The following SOX6 variants were observed in gnomAD, a reference collection of about 807,000 sequenced individuals.
SOX6 encodes SRY-box transcription factor 6.
In SOX6, 11 loss-of-function variants were observed where a neutral mutation model predicts 97.8. That is an observed-to-expected ratio of 0.11 (90% CI 0.07 to 0.19). The LOEUF (loss-of-function observed/expected upper bound fraction) is 0.19. Among genes scored for constraint, SOX6 ranks in the 10% least tolerant of loss-of-function variants. The pLI, the probability that SOX6 is intolerant of heterozygous loss-of-function variation, is 1.00. For missense variants in SOX6, 810 were observed against 1,039.5 expected (o/e 0.78, Z 3.04); for synonymous variants, 360 against 371.4 (o/e 0.97, Z 0.35).
chr11:16,675,487 TAA>T (rs1384461230), intron 3 of SOX6, among the ~76,000 whole-genome samples: 5 of 152,234 alleles, frequency 3.3e-5, no homozygotes, highest in Admixed American at 3.3e-4. Flanking sequence ...TATTATCTTT[TAA>T]AAGTTTAGAA....
intron 3 of SOX6, among the ~76,000 whole-genome samples, chr11:16,310,749 C>A (rs1006645054): frequency 3.3e-5 from 5 of 152,006 alleles, no homozygotes; most frequent in African/African-American, 4.8e-5. Context: ...AAACCCGAAA[C>A]CTTTCCAAAT....
chr11:16,644,444 A>G (rs1294904965), intron 3 of SOX6, among the ~76,000 whole-genome samples: 1 of 152,188 alleles, frequency 6.6e-6, no homozygotes, highest in Non-Finnish European at 1.5e-5. Context: ...TTATAGCCCT[A>G]TTACAATAAA....
intron 13 of SOX6, among the ~76,000 whole-genome samples, chr11:16,014,084 G>C (rs892310503): frequency 2.6e-5 from 4 of 151,984 alleles, no homozygotes; most frequent in African/African-American, 9.7e-5. Flanking sequence ...TCTGCCAAAG[G>C]AACAGCTAAT....
intron 3 of SOX6, among the ~76,000 whole-genome samples, chr11:16,700,829 T>G (rs559407285): frequency 1.3e-5 from 2 of 152,268 alleles, no homozygotes; most frequent in South Asian, 2.1e-4. Flanking sequence ...GCACCAGCAT[T>G]TCTTGGTTTT....
chr11:16,487,875 A>T lies in SOX6; in HGVS notation n.610-11487T>A, dbSNP rs534353704. On this transcript the variant is annotated intron_variant and non_coding_transcript_variant, in intron 4 of 5. Transcript: ENST00000524520. The stretch of plus-strand genomic sequence containing the variant: ...TGTAATTTAAAAGTATCAGGCAAAT[A>T]ACAGCAAGTAACTTAGATGAGTTGA... Among the ~76,000 whole-genome samples the T allele has an allele frequency of 5.3e-5, 8 of 152,348 alleles. No individual in the cohort carries two copies. The South Asian group carries it at 1.7e-3, about 32-fold the overall frequency.
intron 7 of SOX6, among the ~76,000 whole-genome samples, chr11:16,101,191 A>G (rs553697125): frequency 2.0e-4 from 30 of 151,654 alleles, no homozygotes; most frequent in Non-Finnish European, 4.1e-4. Flanking sequence ...TCTTGCCTGG[A>G]TGCACGCATT....
At chr11:16,734,297 T>A (rs1401678253) in intron 2 of SOX6, among the ~76,000 whole-genome samples, 1 of 152,206 alleles carries the variant, frequency 6.6e-6, no homozygotes, top group Non-Finnish European at 1.5e-5. Flanking sequence ...TTTTCAAGAT[T>A]CTGTGTTAGA....
chr11:16,168,339 T>C (rs892927729), intron 6 of SOX6, among the ~76,000 whole-genome samples: 6 of 152,078 alleles, frequency 3.9e-5, no homozygotes, highest in Non-Finnish European at 8.8e-5. Context: ...TATAAAGAAA[T>C]GATATTGTTC....
chr11:16,467,337 C>T (rs540683901), intron 1 of SOX6, among the ~76,000 whole-genome samples: 2 of 152,252 alleles, frequency 1.3e-5, no homozygotes, highest in South Asian at 4.1e-4. Context: ...CACATGCATG[C>T]ATATGTTAAT....
chr11:16,206,109 T>C (rs1165566430), intron 4 of SOX6, among the ~76,000 whole-genome samples: 1 of 152,132 alleles, frequency 6.6e-6, no homozygotes, highest in African/African-American at 2.4e-5. Context: ...TATACACACA[T>C]ATACACATTT....
chr11:16,618,088 T>G (rs1268696514), intron 3 of SOX6, among the ~76,000 whole-genome samples: 1 of 151,898 alleles, frequency 6.6e-6, no homozygotes, highest in East Asian at 1.9e-4. Context: ...TATATCACTG[T>G]GAGAGATATT....
At chr11:16,615,869 G>T (rs1016224141) in intron 3 of SOX6, among the ~76,000 whole-genome samples, 22 of 151,808 alleles carry the variant, frequency 1.4e-4, no homozygotes, top group African/African-American at 4.6e-4. Flanking sequence ...ACAGAATTTT[G>T]GAATTTTTTT....
intron 4 of SOX6, among the ~76,000 whole-genome samples, chr11:16,497,755 G>C (rs1437922213): frequency 6.6e-6 from 1 of 152,086 alleles, no homozygotes; most frequent in Non-Finnish European, 1.5e-5. Context: ...AGCGAGAAGA[G>C]AAGTTTAGAG....
intron 3 of SOX6, among the ~76,000 whole-genome samples, chr11:16,254,422 C>A (rs890864131): frequency 6.6e-6 from 1 of 151,870 alleles, no homozygotes; most frequent in African/African-American, 2.4e-5. Flanking sequence ...ATAAGAATAT[C>A]ATTTTTCATA....
chr11:16,673,485 T>G (rs1422636022), intron 3 of SOX6, among the ~76,000 whole-genome samples: 1 of 151,742 alleles, frequency 6.6e-6, no homozygotes, highest in Non-Finnish European at 1.5e-5. Flanking sequence ...AGTATATGTA[T>G]GCCAATAAAT....
intron 12 of SOX6, among the ~76,000 whole-genome samples, chr11:16,028,088 G>A (rs1855261172): frequency 1.3e-5 from 2 of 152,210 alleles, no homozygotes; most frequent in South Asian, 4.1e-4. Context: ...CATTATTTGA[G>A]TCAATGTGTG....
intron 1 of SOX6, chr11:16,402,578 A>G: frequency 7.2e-7 from 1 of 1,395,540 alleles, no homozygotes; most frequent in Non-Finnish European, 1.0e-6. Context: ...AGAGATGGTG[A>G]CAAAGAAATA....
intron 4 of SOX6, among the ~76,000 whole-genome samples, chr11:16,563,727 A>G (rs1847839577): frequency 6.6e-6 from 1 of 152,210 alleles, no homozygotes; most frequent in African/African-American, 2.4e-5. Flanking sequence ...AAACATCCTA[A>G]TTATAGTCAC....
exon 4 of SOX6, chr11:16,612,196 C>G (rs1252553096): frequency 6.6e-6 from 1 of 152,000 alleles, no homozygotes; most frequent in East Asian, 1.9e-4. Flanking sequence ...ACACCTTCAC[C>G]GCGTCTCATT....
Sources: gnomAD v4.1 joint callset for allele counts (sites outside exome capture counted in the v4.1 genomes callset) on GRCh38, gnomAD v4.1.1 for gene constraint, MANE v1.5 for transcripts, NCBI Gene and HGNC (gene_info 2026-07-23, HGNC 2026-07-21) for gene names.